Variants in DOCK1 observed in about 807,000 individuals in gnomAD.
The protein encoded by DOCK1 is dedicator of cytokinesis 1.
A neutral mutation model predicts 262.7 loss-of-function variants in DOCK1; 138 were observed. The observed-to-expected ratio is 0.53, with a 90% confidence interval of 0.46 to 0.61. The LOEUF (loss-of-function observed/expected upper bound fraction) is 0.61, where lower values mean the gene tolerates loss of function less well. Among genes scored for constraint, DOCK1 ranks in the 20% least tolerant of loss-of-function variants. DOCK1 has a pLI of 0.00. For missense variants in DOCK1, 1,908 were observed against 2,370.7 expected (o/e 0.80, Z 4.05); for synonymous variants, 866 against 867.4 (o/e 1.00, Z 0.03).
At chr10:127,390,689 G>A (rs993401538) in intron 38 of DOCK1, among the ~76,000 whole-genome samples, 2 of 152,124 alleles carry the variant, frequency 1.3e-5, no homozygotes, top group South Asian at 2.1e-4. Context: ...GTGAGGAAGT[G>A]AATGAATGTG....
At position 127,362,203 on chromosome 10, in the gene DOCK1, C is replaced by T; in HGVS notation, c.3423C>T (p.Ser1141=). 2.5e-6 allele frequency: 4 copies of T among 1,613,194 alleles called. No individual in the cohort carries two copies. The highest frequency in any genetic ancestry group is 2.5e-6 in the Non-Finnish European group (3 of 1,179,702). Residue 1141 remains serine, a synonymous_variant, in exon 33 of 52, where the codon AGC becomes AGT. Coordinates refer to ENST00000623213, the MANE Select transcript of DOCK1 (RefSeq NM_001290223.2). Reference sequence around the variant, plus strand: ...AGTGTGAATTCCATTCGACCCGAAGCTTCCAAATGGTAAGGACGTAGATGT... The same window carrying T: ...AGTGTGAATTCCATTCGACCCGAAGTTTCCAAATGGTAAGGACGTAGATGT... ...MMQCEFHSTR[S]FQMFENEIIT...
At chr10:127,397,377 C>T (rs1456549707) in intron 38 of DOCK1, among the ~76,000 whole-genome samples, 10 of 146,340 alleles carry the variant, frequency 6.8e-5, no homozygotes, top group Middle Eastern at 3.9e-3. Context: ...GTTACACGGG[C>T]AGTGTCTCCT....
At position 127,175,213 on chromosome 10, in the gene DOCK1, C is replaced by G; in HGVS notation, c.2847+47449C>G. On this transcript the variant is annotated intron_variant, in intron 27 of 51. Coordinates refer to ENST00000623213, the MANE Select transcript of DOCK1 (RefSeq NM_001290223.2). The surrounding 1 kb of genome is among the most constrained non-coding windows in gnomAD (Gnocchi z 6.3). ...TAAGACATGGGTGAACATACATACCCTTCCCGATGGGCCTCTCCTTTTTCC... is the reference window on the plus strand; with the variant it reads ...TAAGACATGGGTGAACATACATACCGTTCCCGATGGGCCTCTCCTTTTTCC... 1 of 1,610,092 alleles carries G rather than the reference C, an allele frequency of 6.2e-7. No homozygotes were observed. The highest frequency in any genetic ancestry group is 8.5e-7 in the Non-Finnish European group (1 of 1,177,892).
At chr10:127,440,316 C>T (rs2070019581) in intron 49 of DOCK1, among the ~76,000 whole-genome samples, 1 of 152,066 alleles carries the variant, frequency 6.6e-6, no homozygotes, top group African/African-American at 2.4e-5. Context: ...TCCCACTGGC[C>T]GCACCCCCAA....
chr10:126,932,493 G>A (rs2134189498), intron 1 of DOCK1, among the ~76,000 whole-genome samples: 1 of 152,338 alleles, frequency 6.6e-6, no homozygotes, highest in East Asian at 1.9e-4. Flanking sequence ...AGGCTGAACT[G>A]GAGGAGCATT....
intron 29 of DOCK1, among the ~76,000 whole-genome samples, chr10:127,280,017 T>TATAC (rs2060888078): frequency 7.1e-6 from 1 of 141,448 alleles, no homozygotes; most frequent in Non-Finnish European, 1.5e-5. Flanking sequence ...TTCATATATA[T>TATAC]ATATATATAT....
At chr10:127,353,844 G>C (rs1040021460) in intron 31 of DOCK1, among the ~76,000 whole-genome samples, 10 of 152,098 alleles carry the variant, frequency 6.6e-5, no homozygotes, top group Non-Finnish European at 1.3e-4. Flanking sequence ...TTGATTTACC[G>C]GCCAGGATCT....
At chr10:126,913,663 G>A (rs1049325006) in intron 1 of DOCK1, among the ~76,000 whole-genome samples, 4 of 152,218 alleles carry the variant, frequency 2.6e-5, no homozygotes, top group South Asian at 4.1e-4. Flanking sequence ...CCACATGCAC[G>A]TGGGAAACTG....
intron 1 of DOCK1, among the ~76,000 whole-genome samples, chr10:126,961,335 C>T (rs1418327218): frequency 6.6e-6 from 1 of 152,098 alleles, no homozygotes; most frequent in African/African-American, 2.4e-5. Flanking sequence ...CACCTGTAAT[C>T]CCAGCACTTT....
chr10:126,923,699 G>A (rs767620958), intron 1 of DOCK1, among the ~76,000 whole-genome samples: 10 of 152,284 alleles, frequency 6.6e-5, no homozygotes, highest in South Asian at 2.1e-4. Flanking sequence ...CGCCATTCTC[G>A]GCATCTCTCT....
At chr10:127,196,592 GGGCCCCGCGGGGCGGA>G (rs1402925959) in intron 27 of DOCK1, among the ~76,000 whole-genome samples, 1 of 146,144 alleles carries the variant, frequency 6.8e-6, no homozygotes, top group East Asian at 2.0e-4. Context: ...GCGGAGCCCC[GGGCCCCGCGGGGCGGA>G]GGTGGGGCGG....
intron 10 of DOCK1, among the ~76,000 whole-genome samples, chr10:127,004,972 A>T (rs933946241): frequency 2.0e-5 from 3 of 151,716 alleles, no homozygotes; most frequent in Admixed American, 6.6e-5. Context: ...CATCTGGGGA[A>T]TTTTTTTTAA....
At chr10:126,981,897 G>A (rs763679589) in intron 3 of DOCK1, 21 bp from the exon 4 acceptor site, 32 of 1,410,964 alleles carry the variant, frequency 2.3e-5, no homozygotes, top group Non-Finnish European at 3.0e-5. Flanking sequence ...AAAAGCTACT[G>A]TTTTTTTTTT....
intron 10 of DOCK1, among the ~76,000 whole-genome samples, chr10:127,003,671 G>C (rs2040770688): frequency 6.6e-6 from 1 of 152,182 alleles, no homozygotes; most frequent in Non-Finnish European, 1.5e-5. Flanking sequence ...TACATTATAA[G>C]TAAGAAACTG....
intron 13 of DOCK1, 88 bp downstream of exon 13, chr10:127,018,923 C>G: frequency 6.4e-7 from 1 of 1,553,634 alleles, no homozygotes; most frequent in Non-Finnish European, 8.7e-7. Context: ...CATGTATGAG[C>G]TCTGGCAAGG....
intron 29 of DOCK1, among the ~76,000 whole-genome samples, chr10:127,318,551 G>A (rs1376790448): frequency 3.3e-5 from 5 of 152,350 alleles, no homozygotes; most frequent in African/African-American, 7.2e-5. Flanking sequence ...GCATGTGTCC[G>A]GGCCTCAAGG....
chr10:126,941,178 A>G (rs1437349657), intron 1 of DOCK1, among the ~76,000 whole-genome samples: 1 of 152,134 alleles, frequency 6.6e-6, no homozygotes, highest in Non-Finnish European at 1.5e-5. Context: ...CAGCTGTTTA[A>G]ACTCCCAGAA....
chr10:126,916,495 C>T (rs1029480857), intron 1 of DOCK1, among the ~76,000 whole-genome samples: 1 of 152,156 alleles, frequency 6.6e-6, no homozygotes, highest in Non-Finnish European at 1.5e-5. Flanking sequence ...CTAGCCTGGG[C>T]TGCTGTGTAA....
At chr10:127,074,540 G>C (rs2046405063) in intron 23 of DOCK1, among the ~76,000 whole-genome samples, 1 of 152,076 alleles carries the variant, frequency 6.6e-6, no homozygotes, top group Admixed American at 6.5e-5. Context: ...TTTTTCCCTT[G>C]GGAAATCCTA....
Sources: gnomAD v4.1 joint callset for allele counts (sites outside exome capture counted in the v4.1 genomes callset) on GRCh38, gnomAD v4.1.1 for gene constraint, Gnocchi (gnomAD v3.1) non-coding constraint, MANE v1.5 for transcripts, NCBI Gene and HGNC (gene_info 2026-07-23, HGNC 2026-07-21) for gene names.